The following SLIT3 variants were observed in gnomAD, a reference collection of about 807,000 sequenced individuals.
SLIT3 encodes the protein slit guidance ligand 3.
A neutral mutation model predicts 184.0 loss-of-function variants in SLIT3; 68 were observed. The observed-to-expected ratio is 0.37, with a 90% CI of 0.30 to 0.45. The LOEUF (loss-of-function observed/expected upper bound fraction) is 0.45. Among genes scored for constraint, SLIT3 ranks in the 20% least tolerant of loss-of-function variants. The pLI is 1.00. For missense variants in SLIT3, 1,707 were observed against 2,026.0 expected (o/e 0.84, Z 3.02); for synonymous variants, 831 against 828.6 (o/e 1.00, Z -0.05).
At chr5:169,126,779 G>A (rs1354965336) in intron 4 of SLIT3, among the ~76,000 whole-genome samples, 1 of 152,224 alleles carries the variant, frequency 6.6e-6, no homozygotes, top group African/African-American at 2.4e-5. Context: ...AGAGCCCAGA[G>A]GTGACAGGAG....
At chr5:168,794,458 G>T (rs1481387387) in intron 10 of SLIT3, among the ~76,000 whole-genome samples, 3 of 152,180 alleles carry the variant, frequency 2.0e-5, no homozygotes, top group Admixed American at 2.0e-4. Context: ...TCATGGGATG[G>T]GGAAGAATGA....
intron 6 of SLIT3, among the ~76,000 whole-genome samples, chr5:168,828,941 G>C (rs1470498544): frequency 6.6e-6 from 1 of 152,264 alleles, no homozygotes; most frequent in East Asian, 1.9e-4. Context: ...GCCTCTTCTG[G>C]GGCAGGCGTG....
chr5:169,109,161 G>C (rs1327060707), intron 4 of SLIT3, among the ~76,000 whole-genome samples: 1 of 152,234 alleles, frequency 6.6e-6, no homozygotes, highest in Admixed American at 6.5e-5. Context: ...TGGCAACAGG[G>C]ATAGAATGTC....
chr5:169,083,822 T>C (rs1324020327), intron 4 of SLIT3, among the ~76,000 whole-genome samples: 2 of 152,144 alleles, frequency 1.3e-5, no homozygotes, highest in Non-Finnish European at 2.9e-5. Flanking sequence ...GAACTCTTCC[T>C]GTTTGTCTGG....
At chr5:169,243,141 G>A (rs1765460439) in intron 3 of SLIT3, among the ~76,000 whole-genome samples, 1 of 152,120 alleles carries the variant, frequency 6.6e-6, no homozygotes, top group African/African-American at 2.4e-5. Context: ...CAAATAGCAT[G>A]TAAAACACTG....
chr5:168,832,804 G>A (rs929737605), intron 6 of SLIT3, among the ~76,000 whole-genome samples: 1 of 152,066 alleles, frequency 6.6e-6, no homozygotes, highest in African/African-American at 2.4e-5. Flanking sequence ...TTTTAATATT[G>A]GCAGCTAAAA....
chr5:169,063,206 C>T (rs561871736), intron 4 of SLIT3, among the ~76,000 whole-genome samples: 23 of 152,272 alleles, frequency 1.5e-4, no homozygotes, highest in African/African-American at 4.1e-4. Context: ...GCCTTAATGC[C>T]GGCTGCATGA....
At chr5:168,691,742 A>G (rs1335845275) in intron 29 of SLIT3, among the ~76,000 whole-genome samples, 1 of 152,124 alleles carries the variant, frequency 6.6e-6, no homozygotes, top group East Asian at 1.9e-4. Flanking sequence ...GATTGCTGGG[A>G]GAAGAAGGAG....
chr5:168,924,437 A>C (rs959442540), intron 4 of SLIT3, among the ~76,000 whole-genome samples: 14 of 152,014 alleles, frequency 9.2e-5, no homozygotes, highest in African/African-American at 3.4e-4. Flanking sequence ...GACCACTTAC[A>C]CCTCAGTTCA....
chr5:169,054,216 TAAAAAAAAAA>T (rs35649544), intron 4 of SLIT3, among the ~76,000 whole-genome samples: 1 of 69,794 alleles, frequency 1.4e-5, no homozygotes, highest in Non-Finnish European at 3.0e-5. Flanking sequence ...AGAGAGACAC[TAAAAAAAAAA>T]AAAAAAAAAA....
At chr5:169,002,914 T>C (rs1755770055) in intron 4 of SLIT3, among the ~76,000 whole-genome samples, 2 of 152,218 alleles carry the variant, frequency 1.3e-5, no homozygotes, top group Non-Finnish European at 2.9e-5. Flanking sequence ...TAGTTACATA[T>C]AGGTTTTAAC....
chr5:168,847,191 C>A (rs1334176875), intron 5 of SLIT3, among the ~76,000 whole-genome samples: 1 of 152,138 alleles, frequency 6.6e-6, no homozygotes, highest in Non-Finnish European at 1.5e-5. Flanking sequence ...GAAAACTGAG[C>A]TTTACTATAA....
intron 1 of SLIT3, among the ~76,000 whole-genome samples, chr5:169,257,362 GC>G (rs1321582482): frequency 4.1e-4 from 53 of 130,050 alleles, no homozygotes; most frequent in Admixed American, 9.4e-4. Context: ...GATCCCCACA[GC>G]CCCCCACCCC....
intron 4 of SLIT3, among the ~76,000 whole-genome samples, chr5:169,003,936 C>T (rs1031478952): frequency 1.3e-5 from 2 of 152,128 alleles, no homozygotes; most frequent in Admixed American, 6.5e-5. Context: ...AGTGAGCTGT[C>T]TGGAAGAGGT....
chr5:169,196,188 A>G (rs1027010157), intron 3 of SLIT3, among the ~76,000 whole-genome samples: 2 of 151,740 alleles, frequency 1.3e-5, no homozygotes, highest in Non-Finnish European at 2.9e-5. Flanking sequence ...GGACTCCAGG[A>G]AGAGGAGGAT....
intron 4 of SLIT3, among the ~76,000 whole-genome samples, chr5:169,192,516 CAT>C (rs1030968387): frequency 4.6e-5 from 7 of 151,884 alleles, no homozygotes; most frequent in African/African-American, 1.7e-4. Context: ...CACACACTGA[CAT>C]GTGTTTCATG....
intron 4 of SLIT3, among the ~76,000 whole-genome samples, chr5:169,047,548 A>G (rs13167650): frequency 5.0e-4 from 25 of 50,256 alleles, no homozygotes; most frequent in South Asian, 3.7e-3. Flanking sequence ...CCTAGATGGA[A>G]CCTACCCTTC....
chr5:169,180,854 T>A (rs1763129915), intron 4 of SLIT3, among the ~76,000 whole-genome samples: 5 of 152,232 alleles, frequency 3.3e-5, no homozygotes, highest in Admixed American at 2.6e-4. Flanking sequence ...GATAATGTTG[T>A]TTGATGGCTA....
At chr5:168,984,775 C>G (rs1396946318) in intron 4 of SLIT3, among the ~76,000 whole-genome samples, 1 of 152,090 alleles carries the variant, frequency 6.6e-6, no homozygotes, top group African/African-American at 2.4e-5. Context: ...CTGTGAGTTA[C>G]AGGAAAAATG....
Sources: gnomAD v4.1 joint callset for allele counts (sites outside exome capture counted in the v4.1 genomes callset) on GRCh38, gnomAD v4.1.1 for gene constraint, MANE v1.5 for transcripts, NCBI Gene and HGNC (gene_info 2026-07-23, HGNC 2026-07-21) for gene names.